The following DSCAM variants were observed in gnomAD, a reference collection of about 807,000 sequenced individuals.
DSCAM encodes cell adhesion molecule DSCAM.
In DSCAM, 47 loss-of-function variants were observed where a neutral mutation model predicts 217.7. That is an observed-to-expected ratio of 0.22 (90% CI 0.17 to 0.28). The LOEUF (loss-of-function observed/expected upper bound fraction) is 0.28. Among genes scored for constraint, DSCAM ranks in the 10% least tolerant of loss-of-function variants. DSCAM has a pLI of 1.00. For synonymous variants in DSCAM, 1,056 were observed against 1,015.3 expected (o/e 1.04, Z -0.76); for missense variants, 2,080 against 2,618.3 (o/e 0.79, Z 4.49).
chr21:40,128,425 TG>T (rs977671610), intron 19 of DSCAM, among the ~76,000 whole-genome samples: 2 of 151,954 alleles, frequency 1.3e-5, no homozygotes, highest in African/African-American at 4.8e-5. Context: ...TTGTGCCATG[TG>T]GCAAAGGTGA....
At position 40,489,786 on chromosome 21, in the gene DSCAM, A is replaced by T. The variant is rs1304287412; in HGVS notation, c.509-120541T>A. On this transcript the variant is annotated intron_variant, in intron 3 of 32. Coordinates refer to ENST00000400454, the MANE Select transcript of DSCAM (RefSeq NM_001389.5). The stretch of plus-strand genomic sequence containing the variant: ...CGAGACTCCGTCTCAAAAAAAAAAA[A>T]AAAAAAAAAAAAAAATAAGTACCAT... Among the ~76,000 whole-genome samples, 3 of 150,286 alleles carry T rather than the reference A, an allele frequency of 2.0e-5. No individual in the cohort carries two copies. In the East Asian group the frequency reaches 5.8e-4, roughly 29 times the overall value.
chr21:40,093,399 T>C (rs2089635288), intron 21 of DSCAM, among the ~76,000 whole-genome samples: 1 of 152,216 alleles, frequency 6.6e-6, no homozygotes, highest in Non-Finnish European at 1.5e-5. Context: ...CTGATTTTGC[T>C]GAAAGTAGAA....
At chr21:40,362,999 C>CT (rs1195089658) in intron 4 of DSCAM, among the ~76,000 whole-genome samples, 1 of 152,124 alleles carries the variant, frequency 6.6e-6, no homozygotes, top group Admixed American at 6.6e-5. Context: ...ATGTTGATTC[C>CT]TATGTCATTT....
chr21:40,177,242 A>C (rs2090744194), intron 15 of DSCAM, among the ~76,000 whole-genome samples: 1 of 152,240 alleles, frequency 6.6e-6, no homozygotes, highest in Non-Finnish European at 1.5e-5. Context: ...CTTATTTCCC[A>C]CTTATTTCTG....
intron 32 of DSCAM, among the ~76,000 whole-genome samples, chr21:40,015,850 A>G (rs1388428834): frequency 1.3e-5 from 2 of 152,184 alleles, no homozygotes; most frequent in Non-Finnish European, 1.5e-5. Context: ...TTTGCAACCA[A>G]CACTGCCTGA....
chr21:40,708,541 T>C lies in DSCAM; in HGVS notation c.274A>G (p.Ser92Gly). ...QIFPFPPSSFSTLIHDNTYYC... is the reference protein window; with the variant it reads ...QIFPFPPSSFGTLIHDNTYYC... ...TAAGTATTATCATGGATTAAGGTAC[T>C]GAAGCTTGAAGGAGGGAAGGGGAAA... The change falls in exon 2 of 33, where the codon AGT becomes GGT. Residue 92 changes from serine (S) to glycine (G), a missense_variant. Coordinates refer to ENST00000400454, the MANE Select transcript of DSCAM (RefSeq NM_001389.5). The C allele has an allele frequency of 6.3e-7, 1 of 1,593,062 alleles. No individual in the cohort carries two copies. The highest frequency in any genetic ancestry group is 8.6e-7 in the Non-Finnish European group (1 of 1,168,014).
chr21:40,606,266 T>C (rs1477230980), intron 3 of DSCAM, among the ~76,000 whole-genome samples: 1 of 152,132 alleles, frequency 6.6e-6, no homozygotes, highest in Admixed American at 6.5e-5. Context: ...GTGTTGGTGT[T>C]GGGGCCACGA....
intron 1 of DSCAM, among the ~76,000 whole-genome samples, chr21:40,730,583 C>A (rs1247114098): frequency 6.6e-6 from 1 of 152,154 alleles, no homozygotes; most frequent in African/African-American, 2.4e-5. Flanking sequence ...ACGCCCATAG[C>A]ATCTATCAAG....
intron 16 of DSCAM, among the ~76,000 whole-genome samples, chr21:40,156,262 G>A (rs1226235451): frequency 7.1e-6 from 1 of 141,174 alleles, no homozygotes; most frequent in Admixed American, 7.5e-5. Context: ...GGAGGCAGGT[G>A]GAAGCTGTGA....
At chr21:40,586,047 G>C (rs998694568) in intron 3 of DSCAM, among the ~76,000 whole-genome samples, 3 of 152,194 alleles carry the variant, frequency 2.0e-5, no homozygotes, top group Admixed American at 6.5e-5. Context: ...AGTAGAGACA[G>C]GGTTTCACCA....
At chr21:40,818,909 GCT>G (rs2091905491) in intron 1 of DSCAM, among the ~76,000 whole-genome samples, 1 of 152,110 alleles carries the variant, frequency 6.6e-6, no homozygotes, top group Admixed American at 6.5e-5. Context: ...TATAAAAAGA[GCT>G]TTTTCTGGCT....
At chr21:40,348,406 A>AT in intron 5 of DSCAM, among the ~76,000 whole-genome samples, 1 of 151,620 alleles carries the variant, frequency 6.6e-6, no homozygotes, top group Non-Finnish European at 1.5e-5. Flanking sequence ...ATCATACCCT[A>AT]GAGAGTTCCT....
At chr21:40,143,727 C>T (rs1414945551) in intron 17 of DSCAM, among the ~76,000 whole-genome samples, 2 of 152,132 alleles carry the variant, frequency 1.3e-5, no homozygotes, top group East Asian at 3.9e-4. Flanking sequence ...GGAGGCGGAG[C>T]TTGCAGCGAG....
At chr21:40,048,493 T>C (rs561361675) in intron 30 of DSCAM, among the ~76,000 whole-genome samples, 56 of 152,244 alleles carry the variant, frequency 3.7e-4, no homozygotes, top group African/African-American at 1.3e-3. Context: ...CAGAGATAAA[T>C]AGCAAATTGT....
intron 8 of DSCAM, among the ~76,000 whole-genome samples, chr21:40,323,804 A>G (rs768779337): frequency 6.6e-6 from 1 of 152,170 alleles, no homozygotes; most frequent in Non-Finnish European, 1.5e-5. Flanking sequence ...AGTCATAAAT[A>G]TAACAACGAA....
chr21:40,817,989 G>A lies in DSCAM; in HGVS notation c.43+28630C>T, dbSNP rs547250258. Reference sequence around the variant, plus strand: ...CGGGCGCCTGTAGTCCCAGCTACTCGGGAGGCTGAGGCAGGAGAATGGCGT... The same window carrying A: ...CGGGCGCCTGTAGTCCCAGCTACTCAGGAGGCTGAGGCAGGAGAATGGCGT... On this transcript the variant is annotated intron_variant, in intron 1 of 32. Transcript: ENST00000400454. Among the ~76,000 whole-genome samples the A allele has an allele frequency of 5.5e-4, 83 of 149,882 alleles. No individual in the cohort carries two copies. In the East Asian group the frequency reaches 0.011, roughly 20 times the overall value.
At chr21:40,506,877 G>GA (rs1282341017) in intron 3 of DSCAM, among the ~76,000 whole-genome samples, 1 of 152,002 alleles carries the variant, frequency 6.6e-6, no homozygotes, top group Non-Finnish European at 1.5e-5. Flanking sequence ...ATCAAAAGAG[G>GA]AAAAAAATAT....
chr21:40,509,672 T>C (rs1220811511), intron 3 of DSCAM, among the ~76,000 whole-genome samples: 5 of 152,098 alleles, frequency 3.3e-5, no homozygotes, highest in South Asian at 2.1e-4. Flanking sequence ...AAAATTTCTA[T>C]GAAAGAACTC....
At chr21:40,793,414 A>T (rs578067210) in intron 1 of DSCAM, among the ~76,000 whole-genome samples, 1 of 152,338 alleles carries the variant, frequency 6.6e-6, no homozygotes, top group South Asian at 2.1e-4. Context: ...GTCTTGGGTA[A>T]GGTCCATTGT....
Sources: allele counts gnomAD v4.1 joint callset (sites outside exome capture counted in the v4.1 genomes callset), GRCh38; gene constraint gnomAD v4.1.1; transcripts MANE v1.5; gene names NCBI Gene and HGNC (gene_info 2026-07-23, HGNC 2026-07-21).